Variants in ANKS1B observed in about 807,000 individuals in gnomAD.
ANKS1B encodes the protein ankyrin repeat and sterile alpha motif domain containing 1B, also known as ankyrin repeat and sterile alpha motif domain-containing protein 1B.
In ANKS1B, 36 loss-of-function variants were observed where a neutral mutation model predicts 148.3. That is an observed-to-expected ratio of 0.24 (90% confidence interval 0.19 to 0.32). The LOEUF is 0.32. Ranked by LOEUF, ANKS1B falls within the 10% of genes least tolerant of loss-of-function variation. The pLI is 1.00. For synonymous variants in ANKS1B, 542 were observed against 560.8 expected (o/e 0.97, Z 0.47); for missense variants, 1,157 against 1,542.6 (o/e 0.75, Z 4.19).
At chr12:99,179,761 GAC>G (rs1182612249) in intron 14 of ANKS1B, among the ~76,000 whole-genome samples, 6 of 152,128 alleles carry the variant, frequency 3.9e-5, no homozygotes, top group African/African-American at 7.2e-5. Flanking sequence ...TAGGGTTGTT[GAC>G]AGATTAAATG....
intron 17 of ANKS1B, among the ~76,000 whole-genome samples, chr12:99,046,626 C>T (rs935835191): frequency 1.3e-5 from 2 of 151,790 alleles, no homozygotes; most frequent in Non-Finnish European, 2.9e-5. Flanking sequence ...GCTGAAACCC[C>T]GTCTCTACTA....
intron 17 of ANKS1B, among the ~76,000 whole-genome samples, chr12:98,980,380 G>T (rs556728970): frequency 1.2e-3 from 181 of 152,174 alleles, no homozygotes; most frequent in African/African-American, 4.1e-3. Context: ...TTTCATTTTC[G>T]TATTTTTAGT....
intron 9 of ANKS1B, among the ~76,000 whole-genome samples, chr12:99,636,922 A>T (rs2098242937): frequency 6.6e-6 from 1 of 152,256 alleles, no homozygotes; most frequent in African/African-American, 2.4e-5. Flanking sequence ...AATTTGATTC[A>T]CATGAGAAAA....
At chr12:99,821,825 G>A (rs2082545004) in intron 2 of ANKS1B, among the ~76,000 whole-genome samples, 1 of 151,976 alleles carries the variant, frequency 6.6e-6, no homozygotes, top group African/African-American at 2.4e-5. Context: ...TACTTGGGCT[G>A]ATTTGTCTTT....
intron 17 of ANKS1B, among the ~76,000 whole-genome samples, chr12:98,929,179 T>C (rs1224514170): frequency 1.3e-5 from 2 of 151,832 alleles, no homozygotes; most frequent in Non-Finnish European, 2.9e-5. Context: ...AAATTCCTTA[T>C]AGAATAGTAT....
chr12:99,098,336 T>C (rs2056875352), intron 15 of ANKS1B, among the ~76,000 whole-genome samples: 2 of 152,202 alleles, frequency 1.3e-5, no homozygotes, highest in Non-Finnish European at 2.9e-5. Context: ...AGTCTTTCTC[T>C]GCCAGCCCAG....
intron 8 of ANKS1B, 129 bp downstream of exon 8, chr12:99,772,793 G>C (rs780453723): frequency 6.2e-6 from 6 of 965,502 alleles, no homozygotes; most frequent in Non-Finnish European, 8.7e-6. Flanking sequence ...GTCAGGAAAA[G>C]AGCAATAAGG....
At chr12:98,854,654 C>T (rs931484994) in intron 17 of ANKS1B, among the ~76,000 whole-genome samples, 70 of 152,266 alleles carry the variant, frequency 4.6e-4, no homozygotes, top group Middle Eastern at 3.4e-3. Flanking sequence ...ATTTCTTATG[C>T]ATTTCTTACA....
intron 12 of ANKS1B, among the ~76,000 whole-genome samples, chr12:99,264,667 G>A (rs568028063): frequency 1.5e-4 from 23 of 152,198 alleles, no homozygotes; most frequent in African/African-American, 5.5e-4. Flanking sequence ...CTCTTTTGAG[G>A]TATCATTTAA....
chr12:99,176,178 C>T (rs575098518), intron 14 of ANKS1B, among the ~76,000 whole-genome samples: 8 of 152,192 alleles, frequency 5.3e-5, no homozygotes, highest in Non-Finnish European at 8.8e-5. Context: ...TGGGAAGAAA[C>T]ATCAGACACA....
intron 8 of ANKS1B, among the ~76,000 whole-genome samples, chr12:99,712,819 T>C (rs1384063332): frequency 6.6e-6 from 1 of 152,182 alleles, no homozygotes; most frequent in African/African-American, 2.4e-5. Context: ...GAAAATTCTA[T>C]CATGTTTCAA....
At chr12:99,607,312 A>G (rs952225745) in intron 9 of ANKS1B, among the ~76,000 whole-genome samples, 1 of 152,122 alleles carries the variant, frequency 6.6e-6, no homozygotes, top group African/African-American at 2.4e-5. Flanking sequence ...TGACCTACCA[A>G]TAAGTCAGGC....
At chr12:99,866,112 C>T (rs2090721595) in intron 1 of ANKS1B, among the ~76,000 whole-genome samples, 1 of 152,126 alleles carries the variant, frequency 6.6e-6, no homozygotes, top group African/African-American at 2.4e-5. Flanking sequence ...TGGTCACTAG[C>T]TTTTACCTTA....
At chr12:99,497,910 A>G (rs1293380517) in intron 10 of ANKS1B, among the ~76,000 whole-genome samples, 2 of 152,002 alleles carry the variant, frequency 1.3e-5, no homozygotes, top group African/African-American at 4.8e-5. Context: ...TGTATAGAGT[A>G]GTAATGCCCA....
At position 98,796,451 on chromosome 12, in the gene ANKS1B, A is replaced by T. The variant is rs537657828; in HGVS notation, c.3342+2483T>A. On this transcript the variant is annotated intron_variant, in intron 22 of 26. Coordinates refer to ENST00000683438, the MANE Select transcript of ANKS1B (RefSeq NM_001352186.2). Reference sequence around the variant, plus strand: ...TTGGCTGAAATGCCACCATGCTGAGAACAGAGAAAACAGCAACTTGGGGTT... The same window carrying T: ...TTGGCTGAAATGCCACCATGCTGAGTACAGAGAAAACAGCAACTTGGGGTT... 9.8e-5 allele frequency among the ~76,000 whole-genome samples: 15 copies of T among 152,296 alleles called. No homozygotes were observed. The South Asian group carries it at 1.7e-3, about 17-fold the overall frequency.
intron 1 of ANKS1B, among the ~76,000 whole-genome samples, chr12:99,903,747 G>GA (rs2093679853): frequency 2.0e-5 from 3 of 150,374 alleles, no homozygotes; most frequent in Non-Finnish European, 4.4e-5. Context: ...GGAAAAATGG[G>GA]AGGGGGGGAG....
At chr12:99,041,319 T>C (rs973226449) in intron 17 of ANKS1B, among the ~76,000 whole-genome samples, 1 of 152,186 alleles carries the variant, frequency 6.6e-6, no homozygotes, top group Non-Finnish European at 1.5e-5. Flanking sequence ...GTGCAACAAA[T>C]ATTTGAGCAA....
chr12:99,413,959 G>C (rs922271108), intron 11 of ANKS1B, among the ~76,000 whole-genome samples: 1 of 152,112 alleles, frequency 6.6e-6, no homozygotes, highest in African/African-American at 2.4e-5. Flanking sequence ...GAGGCCCTGA[G>C]AGTTCCAGGT....
chr12:99,369,548 T>C (rs974247542), intron 12 of ANKS1B, among the ~76,000 whole-genome samples: 2 of 152,170 alleles, frequency 1.3e-5, no homozygotes, highest in Non-Finnish European at 2.9e-5. Context: ...AGATGCTAGA[T>C]GAAATAGGCT....
Sources: gnomAD v4.1 joint callset for allele counts (sites outside exome capture counted in the v4.1 genomes callset) on GRCh38, gnomAD v4.1.1 for gene constraint, MANE v1.5 for transcripts, NCBI Gene and HGNC (gene_info 2026-07-23, HGNC 2026-07-21) for gene names.